The following RGPD6 variants were observed in gnomAD, a reference collection of about 807,000 sequenced individuals.
RGPD6 encodes the protein RANBP2-like and GRIP domain-containing protein 5/6.
chr2:110,589,595 G>A, the RGPD6 span, among the ~76,000 whole-genome samples: 2 of 147,140 alleles, frequency 1.4e-5, no homozygotes, highest in Non-Finnish European at 3.0e-5. Flanking sequence ...ACAAGAGAAC[G>A]CCCTACAGGC....
the RGPD6 span, chr2:110,610,863 T>C: frequency 2.2e-3 from 2,083 of 935,576 alleles, 10 homozygotes; most frequent in Non-Finnish European, 2.4e-3. Context: ...AAGGCGCCGC[T>C]CAAGGTGCAT....
At chr2:110,601,289 G>A in the RGPD6 span, among the ~76,000 whole-genome samples, 11,714 of 114,168 alleles carry the variant, frequency 0.1, 48 homozygotes, top group East Asian at 0.18. Flanking sequence ...CAAAAGCCCA[G>A]ACAATGCATC....
At chr2:110,593,222 G>A in the RGPD6 span, among the ~76,000 whole-genome samples, 15 of 148,156 alleles carry the variant, frequency 1.0e-4, no homozygotes, top group South Asian at 2.1e-4. Context: ...TTTGGAGAAG[G>A]TAAAAACCTA....
chr2:110,596,909 T>C, the RGPD6 span, among the ~76,000 whole-genome samples: 1 of 138,676 alleles, frequency 7.2e-6, no homozygotes, highest in Non-Finnish European at 1.5e-5. Context: ...CTGGAGACCA[T>C]TTACATACAT....
the RGPD6 span, among the ~76,000 whole-genome samples, chr2:110,607,140 A>C: frequency 6.7e-6 from 1 of 149,814 alleles, no homozygotes; most frequent in African/African-American, 2.5e-5. Context: ...CCTAATCAAA[A>C]GCTGGTGGAC....
At chr2:110,591,355 ATAAAC>A in the RGPD6 span, among the ~76,000 whole-genome samples, 1 of 150,572 alleles carries the variant, frequency 6.6e-6, no homozygotes, top group Middle Eastern at 3.2e-3. Flanking sequence ...TGATTTGATG[ATAAAC>A]TAAAGAAAAA....
At chr2:110,604,847 A>G in the RGPD6 span, among the ~76,000 whole-genome samples, 49 of 148,460 alleles carry the variant, frequency 3.3e-4, no homozygotes, top group Admixed American at 1.3e-4. Context: ...GATTAGACCC[A>G]TTGTAGTTAA....
At chr2:110,609,522 CT>C in the RGPD6 span, among the ~76,000 whole-genome samples, 81 of 140,974 alleles carry the variant, frequency 5.7e-4, 5 homozygotes, top group African/African-American at 2.0e-3. Context: ...CACATATCAT[CT>C]ATATGAGTTA....
chr2:110,604,682 T>TA, the RGPD6 span, among the ~76,000 whole-genome samples: 122 of 148,266 alleles, frequency 8.2e-4, no homozygotes, highest in Admixed American at 3.3e-3. Context: ...AAAATTAAAA[T>TA]AAAAAAAAAA....
chr2:110,606,505 T>TATAA, the RGPD6 span, among the ~76,000 whole-genome samples: 1 of 100,484 alleles, frequency 1.0e-5, no homozygotes, highest in Non-Finnish European at 2.0e-5. Context: ...CTGTTGTATG[T>TATAA]TGATAGACTT....
chr2:110,594,114 A>G, the RGPD6 span, among the ~76,000 whole-genome samples: 11,897 of 137,456 alleles, frequency 0.087, 1,183 homozygotes, highest in African/African-American at 0.2. Context: ...AATGTATTAA[A>G]GTATATAAAA....
chr2:110,608,245 T>TA, the RGPD6 span, among the ~76,000 whole-genome samples: 3 of 142,170 alleles, frequency 2.1e-5, no homozygotes, highest in South Asian at 7.1e-4. Context: ...TGATAAATAA[T>TA]ACGTGTTCAG....
chr2:110,600,084 T>C, the RGPD6 span, among the ~76,000 whole-genome samples: 3 of 151,914 alleles, frequency 2.0e-5, no homozygotes, highest in Admixed American at 2.0e-4. Context: ...GGCTCTACAG[T>C]ATGCCGCCGC....
chr2:110,605,835 C>G, the RGPD6 span, among the ~76,000 whole-genome samples: 1 of 151,304 alleles, frequency 6.6e-6, no homozygotes, highest in Non-Finnish European at 1.5e-5. Context: ...CTTCCCACCA[C>G]GTGGTTTTCC....
the RGPD6 span, among the ~76,000 whole-genome samples, chr2:110,593,031 C>T: frequency 1.0e-3 from 150 of 147,830 alleles, 4 homozygotes; most frequent in Non-Finnish European, 2.0e-3. Context: ...ACAAGAAAAT[C>T]ACCTTTGTTG....
At chr2:110,589,433 A>G in the RGPD6 span, among the ~76,000 whole-genome samples, 1 of 152,158 alleles carries the variant, frequency 6.6e-6, no homozygotes, top group African/African-American at 2.4e-5. Flanking sequence ...TATATACAAC[A>G]TTGCCCCCTT....
chr2:110,591,384 C>T, the RGPD6 span, among the ~76,000 whole-genome samples: 115 of 149,994 alleles, frequency 7.7e-4, no homozygotes, highest in Non-Finnish European at 1.4e-3. Flanking sequence ...CACGCTTTGT[C>T]GAATATAATC....
the RGPD6 span, among the ~76,000 whole-genome samples, chr2:110,610,737 C>A: frequency 6.9e-6 from 1 of 145,624 alleles, no homozygotes; most frequent in African/African-American, 2.5e-5. Context: ...AGGTCCCATT[C>A]CTGGAGCAGG....
At chr2:110,589,437 C>T in the RGPD6 span, among the ~76,000 whole-genome samples, 22 of 152,260 alleles carry the variant, frequency 1.4e-4, no homozygotes, top group African/African-American at 5.3e-4. Context: ...TACAACATTG[C>T]CCCCTTAATT....
Sources: gnomAD v4.1 joint callset for allele counts (sites outside exome capture counted in the v4.1 genomes callset) on GRCh38, gnomAD v4.1.1 for gene constraint, MANE v1.5 for transcripts, NCBI Gene and HGNC (gene_info 2026-07-23, HGNC 2026-07-21) for gene names.